Variants in TRIM67 observed in about 807,000 individuals in gnomAD.
TRIM67 encodes tripartite motif-containing protein 67.
Under a neutral mutation model 71.0 loss-of-function variants are expected in TRIM67, and 39 were observed. The observed-to-expected ratio is 0.55, with a 90% confidence interval of 0.43 to 0.72. The LOEUF is 0.72. TRIM67 is among the 30% of genes least tolerant of loss of function. The probability of loss-of-function intolerance (pLI) is 0.00; values close to 1 mark genes in which losing one functional copy is unlikely to be tolerated. For missense variants in TRIM67, 973 were observed against 1,079.2 expected (o/e 0.90, Z 1.38); for synonymous variants, 481 against 473.9 (o/e 1.01, Z -0.19).
At chr1:231,204,766 C>T (rs181325468) in intron 6 of TRIM67, among the ~76,000 whole-genome samples, 1 of 152,208 alleles carries the variant, frequency 6.6e-6, no homozygotes, top group Non-Finnish European at 1.5e-5. Flanking sequence ...TAACAACACT[C>T]GCATCTCTTC....
chr1:231,178,476 C>A (rs138655997), intron 1 of TRIM67, among the ~76,000 whole-genome samples: 2 of 152,176 alleles, frequency 1.3e-5, no homozygotes, highest in Non-Finnish European at 2.9e-5. Context: ...TATTATTGAA[C>A]GTCAAGGCTG....
At position 231,194,641 on chromosome 1, in the gene TRIM67, C is replaced by CATGTGCAAG. The variant is rs1303667456; in HGVS notation, c.1045-2729_1045-2721dup. Among the ~76,000 whole-genome samples the CATGTGCAAG allele has an allele frequency of 3.3e-5, 5 of 152,274 alleles. No homozygotes were observed. In the East Asian group the frequency reaches 9.7e-4, roughly 29 times the overall value. The stretch of plus-strand genomic sequence containing the variant: ...GATGACAACATACAGGCTAACATTC[C>CATGTGCAAG]ATGTGCAAGGCGATCAGTAAAACTT... On this transcript the variant is annotated intron_variant, in intron 1 of 9. Coordinates refer to ENST00000366653, the MANE Select transcript of TRIM67 (RefSeq NM_001004342.5).
chr1:231,171,503 G>A (rs972615279), intron 1 of TRIM67, among the ~76,000 whole-genome samples: 10 of 152,032 alleles, frequency 6.6e-5, no homozygotes, highest in South Asian at 2.1e-4. Flanking sequence ...AGCCATTTTC[G>A]GTGGGGGTGC....
chr1:231,206,198 C>G (rs1331082724), intron 6 of TRIM67, among the ~76,000 whole-genome samples: 1 of 151,818 alleles, frequency 6.6e-6, no homozygotes, highest in Admixed American at 6.6e-5. Context: ...GAGGCCAAGG[C>G]AGGAGGATCA....
chr1:231,215,862 C>T lies in TRIM67; in HGVS notation c.*422C>T, dbSNP rs1202632720. On this transcript the variant is annotated 3_prime_UTR_variant, in exon 10 of 10. Transcript: ENST00000366653. ...GGAGCTGCGCTGTAATCCCACGCCC[C>T]GGGTGTTGGCCCTCCGTGGGGACCT... 6.0e-6 allele frequency: 6 copies of T among 1,000,626 alleles called. No individual in the cohort carries two copies. The highest frequency in any genetic ancestry group is 4.7e-5 in the South Asian group (1 of 21,448). The allele number at this position is 1,000,626 out of a possible 1,614,324, so 62.0% of individuals were successfully genotyped here.
chr1:231,162,989 G>T lies in TRIM67; in HGVS notation c.20G>T (p.Cys7Phe). ...GCCGCGATGGAGGAAGAGCTGAAGTGTCCCGTGTGCGGCTCTCTGTTTCGG... is the reference window on the plus strand; with the variant it reads ...GCCGCGATGGAGGAAGAGCTGAAGTTTCCCGTGTGCGGCTCTCTGTTTCGG... MEEELKCPVCGSLFREP... is the reference protein window; with the variant it reads MEEELKFPVCGSLFREP... Residue 7 changes from cysteine to phenylalanine, a missense_variant, in exon 1 of 10, where the codon TGT becomes TTT. By Grantham distance (205) the Cys-to-Phe change is radical. This residue lies in a region of TRIM67 where 795 missense variants were observed against 831.3 expected (regional missense o/e 0.96). Transcript: ENST00000366653. 6.2e-7 allele frequency: 1 copy of T among 1,612,526 alleles called. No individual in the cohort carries two copies. The highest frequency in any genetic ancestry group is 8.5e-7 in the Non-Finnish European group (1 of 1,179,348).
intron 1 of TRIM67, among the ~76,000 whole-genome samples, chr1:231,181,028 C>T (rs1316068917): frequency 3.3e-5 from 5 of 152,138 alleles, no homozygotes; most frequent in African/African-American, 7.2e-5. Context: ...TACAGTGGTG[C>T]GATCTCAGCT....
chr1:231,172,419 G>T (rs1682641295), intron 1 of TRIM67, among the ~76,000 whole-genome samples: 1 of 152,126 alleles, frequency 6.6e-6, no homozygotes, highest in Non-Finnish European at 1.5e-5. Context: ...GGGCCAGAAG[G>T]GATGTGAGAG....
At chr1:231,202,063 AGAT>A in intron 5 of TRIM67, among the ~76,000 whole-genome samples, 1 of 151,500 alleles carries the variant, frequency 6.6e-6, no homozygotes, top group African/African-American at 2.4e-5. Context: ...ATGGAGGAGG[AGAT>A]GGAGGAGGAG....
At chr1:231,196,303 T>C (rs558330362) in intron 1 of TRIM67, among the ~76,000 whole-genome samples, 136 of 152,146 alleles carry the variant, frequency 8.9e-4, no homozygotes, top group African/African-American at 3.0e-3. Flanking sequence ...ATGAGAGTCA[T>C]GTAAAAATCA....
intron 1 of TRIM67, among the ~76,000 whole-genome samples, chr1:231,166,399 A>G (rs1432090182): frequency 6.6e-6 from 1 of 152,190 alleles, no homozygotes; most frequent in Non-Finnish European, 1.5e-5. Context: ...TTGGTCAAAC[A>G]CTGTTGGTCT....
chr1:231,174,207 G>T (rs1341344746), intron 1 of TRIM67, among the ~76,000 whole-genome samples: 3 of 138,752 alleles, frequency 2.2e-5, no homozygotes, highest in African/African-American at 8.1e-5. Flanking sequence ...TTCCCAGGCT[G>T]TAGTGCAGTG....
At position 231,163,287 on chromosome 1, in the gene TRIM67, C is replaced by A; in HGVS notation, c.318C>A (p.Ser106Arg). ...GDHADKLSLY[S>R]ETDSGYGSYT... ...ACGCGGACAAGCTCAGCTTGTACAG[C>A]GAGACAGACAGCGGCTACGGGTCCT... Residue 106 changes from serine to arginine, a missense_variant, in exon 1 of 10, where the codon AGC (serine) becomes AGA (arginine). Ser to Arg is a moderately radical substitution (Grantham distance 110). Coordinates refer to ENST00000366653, the MANE Select transcript of TRIM67 (RefSeq NM_001004342.5). The A allele has an allele frequency of 1.3e-6, 2 of 1,518,392 alleles. No individual in the cohort carries two copies. The highest frequency in any genetic ancestry group is 8.8e-7 in the Non-Finnish European group (1 of 1,132,670). 94.1% of individuals were successfully genotyped at this position (1,518,392 alleles called of 1,614,324 possible). A position where few individuals can be genotyped will look rare whatever the true frequency, so the allele number is the denominator to read the frequency against.
intron 3 of TRIM67, 60 bp downstream of exon 3, chr1:231,199,229 G>C: frequency 6.5e-7 from 1 of 1,549,550 alleles, no homozygotes; most frequent in Non-Finnish European, 8.9e-7. Flanking sequence ...CCCAGCGTGG[G>C]GTGGAGCACA....
intron 1 of TRIM67, among the ~76,000 whole-genome samples, chr1:231,188,272 C>T (rs1683139500): frequency 6.6e-6 from 1 of 152,190 alleles, no homozygotes; most frequent in South Asian, 2.1e-4. Flanking sequence ...AGGGACAAAG[C>T]CCAGACTGAT....
In TRIM67 at chr1:231,183,056, G is replaced by A. The variant is rs116358746; in HGVS notation, c.1045-14315G>A. On this transcript the variant is annotated intron_variant, in intron 1 of 9. Transcript: ENST00000366653. ...CCTGCAAGCCTTGGGGCAGGAGCTC[G>A]TGGGGAACTCCTAAGCAGTCAGGAT... is the stretch of plus-strand genomic sequence containing the variant. Among the ~76,000 whole-genome samples, 1,410 of 152,316 alleles carry A rather than the reference G, an allele frequency of 9.3e-3. 21 individuals carry two copies. The highest frequency in any genetic ancestry group is 0.032 in the African/African-American group (1,318 of 41,558).
chr1:231,182,934 T>C (rs942645970), intron 1 of TRIM67, among the ~76,000 whole-genome samples: 3 of 152,214 alleles, frequency 2.0e-5, no homozygotes, highest in Non-Finnish European at 4.4e-5. Context: ...TATTTTGACT[T>C]CAGCATTAAG....
chr1:231,199,767 A>T (rs1226338788), intron 3 of TRIM67, among the ~76,000 whole-genome samples: 1 of 152,196 alleles, frequency 6.6e-6, no homozygotes, highest in Non-Finnish European at 1.5e-5. Flanking sequence ...GCTGGAGTTG[A>T]TCCCATGGTT....
chr1:231,172,132 T>C (rs1159700353), intron 1 of TRIM67, among the ~76,000 whole-genome samples: 1 of 152,176 alleles, frequency 6.6e-6, no homozygotes, highest in Non-Finnish European at 1.5e-5. Flanking sequence ...CCCCCTTTAT[T>C]GCTCCTCACT....
Sources: gnomAD v4.1 joint callset for allele counts (sites outside exome capture counted in the v4.1 genomes callset) on GRCh38, gnomAD v4.1.1 for gene constraint, gnomAD v4.1.1 regional missense constraint, MANE v1.5 for transcripts, NCBI Gene and HGNC (gene_info 2026-07-23, HGNC 2026-07-21) for gene names.